The following RNF207 variants were observed in gnomAD, a reference collection of about 807,000 sequenced individuals.
RNF207 encodes ring finger protein 207.
In RNF207, 72 loss-of-function variants were observed where a neutral mutation model predicts 79.0. The observed-to-expected ratio is 0.91, with a 90% CI of 0.75 to 1.11. The LOEUF is 1.11. Ranked by LOEUF, RNF207 falls within the 50% of genes least tolerant of loss-of-function variation. The pLI is 0.00. For missense variants in RNF207, 936 were observed against 855.8 expected, an observed-to-expected ratio of 1.09 and a Z score of -1.17; for synonymous variants, 348 against 366.2, an observed-to-expected ratio of 0.95 and a Z score of 0.57.
At position 6,207,299 on chromosome 1, in the gene RNF207, C is replaced by A. The variant is rs1667947847; in HGVS notation, c.192-80C>A. 2.1e-6 allele frequency: 3 copies of A among 1,431,326 alleles called. No homozygotes were observed. In the Admixed American group the frequency reaches 7.0e-5, roughly 33 times the overall value. The allele number at this position is 1,431,326 out of a possible 1,614,324, so 88.7% of individuals were successfully genotyped here. A position where few individuals can be genotyped will look rare whatever the true frequency, so the allele number is the denominator to read the frequency against. On this transcript the variant is annotated intron_variant, in intron 2 of 17. Transcript: ENST00000377939. This position sits in a 1 kb window ranked among gnomAD's most constrained non-coding sequence, Gnocchi z 4.5. Reference sequence around the variant, plus strand: ...CCTCCCAACACAGCTATTTTTAGCTCCAGCCTGGAATGTGAGGGGTGGGGG... The same window carrying A: ...CCTCCCAACACAGCTATTTTTAGCTACAGCCTGGAATGTGAGGGGTGGGGG...
rs1229975109 is a variant in RNF207, at chr1:6,211,994, G to C, written c.1237G>C (p.Ala413Pro). ...GTCCATCAGCACCAAGGTGCTGCTGGCGGAGGGCGAGAACACGCCCTTCGC... is the reference window on the plus strand; with the variant it reads ...GTCCATCAGCACCAAGGTGCTGCTGCCGGAGGGCGAGAACACGCCCTTCGC... Reference protein sequence around the residue: ...HRSISTKVLLAEGENTPFAEH... With the variant: ...HRSISTKVLLPEGENTPFAEH... Residue 413 changes from alanine (A) to proline (P), a missense_variant, in exon 13 of 18, where the codon GCG becomes CCG. Ala to Pro is a conservative substitution (Grantham distance 27). Transcript: ENST00000377939. This position sits in a 1 kb window ranked among gnomAD's most constrained non-coding sequence, Gnocchi z 4.2. The C allele has an allele frequency of 6.3e-7, 1 of 1,589,362 alleles. No homozygotes were observed. The highest frequency in any genetic ancestry group is 1.8e-5 in the Admixed American group (1 of 56,320).
In RNF207 at chr1:6,217,347, C is replaced by T. The variant is rs956941795; in HGVS notation, c.1653-942C>T. On this transcript the variant is annotated intron_variant, in intron 16 of 17. Coordinates refer to ENST00000377939, the MANE Select transcript of RNF207 (RefSeq NM_207396.3). This position sits in a 1 kb window ranked among gnomAD's most constrained non-coding sequence, Gnocchi z 4.2. ...CCACAGCCTACGCTCACTCCTTGGG[C>T]GACCTCATTCAGTCCCTGGCTTTAA... 6.6e-6 allele frequency among the ~76,000 whole-genome samples: 1 copy of T among 152,090 alleles called. No homozygotes were observed. The highest frequency in any genetic ancestry group is 1.5e-5 in the Non-Finnish European group (1 of 68,016).
chr1:6,214,630 C>CTTTTTTTTTTTTTTTTTTTT lies in RNF207; in HGVS notation c.1652+1451_1652+1470dup, dbSNP rs144139448. ...GTTGGCCAGGCTGGAATATTTCTTTCTTTTTTTTTTTTTTTTTTTTTTTGA... is the reference window on the plus strand; with the variant it reads ...GTTGGCCAGGCTGGAATATTTCTTTCTTTTTTTTTTTTTTTTTTTTTTTTTTTTTTTTTTTTTTTTTTTGA... On this transcript the variant is annotated intron_variant, in intron 16 of 17. Transcript: ENST00000377939. Among the ~76,000 whole-genome samples, 25 of 70,660 alleles carry CTTTTTTTTTTTTTTTTTTTT rather than the reference C, an allele frequency of 3.5e-4. 3 individuals carry two copies. The highest frequency in any genetic ancestry group is 1.0e-3 in the African/African-American group (15 of 14,650). 46.4% of individuals were successfully genotyped at this position (70,660 alleles called of 152,430 possible).
Position 6,213,130 on chromosome 1 carries a change from G to C in RNF207, c.1599G>C (p.Gln533His), listed in dbSNP as rs762044938. The change falls in exon 16 of 18, where the codon CAG (glutamine) becomes CAC (histidine). Residue 533 changes from glutamine (Q) to histidine (H), a missense_variant. Gln to His is a conservative substitution (Grantham distance 24, BLOSUM62 0). Transcript: ENST00000377939. ...CCTACCTGACCACCATCACCAAGCA[G>C]ATCACGCCCTACGTCCGCTCCATTG... ...ENAYLTTITK[Q>H]ITPYVRSIAK... 2 of 1,613,540 alleles carry C rather than the reference G, an allele frequency of 1.2e-6. No homozygotes were observed. The highest frequency in any genetic ancestry group is 3.3e-5 in the Admixed American group (2 of 60,000).
chr1:6,206,920 T>A (rs1667930958), intron 2 of RNF207, among the ~76,000 whole-genome samples, 194 bp downstream of exon 2: 2 of 152,164 alleles, frequency 1.3e-5, no homozygotes, highest in Admixed American at 6.5e-5. Context: ...ATAGATCAGC[T>A]TAACTGAAGC....
rs749245375 is a variant in RNF207, at chr1:6,207,578, A to G, written c.324+67A>G. On this transcript the variant is annotated intron_variant, in intron 3 of 17. Coordinates refer to ENST00000377939, the MANE Select transcript of RNF207 (RefSeq NM_207396.3). This position sits in a 1 kb window ranked among gnomAD's most constrained non-coding sequence, Gnocchi z 4.5. ...CGGTTGCACAGTCCCCAATGCTTGC[A>G]CATGCACTCAGCATGTCTTCAGAGG... is the stretch of plus-strand genomic sequence containing the variant. 4 of 1,507,706 alleles carry G rather than the reference A, an allele frequency of 2.7e-6. No homozygotes were observed. The East Asian group carries it at 7.2e-5, about 27-fold the overall frequency. The allele number at this position is 1,507,706 out of a possible 1,614,324, so 93.4% of individuals were successfully genotyped here.
At position 6,212,039 on chromosome 1, in the gene RNF207, G is replaced by A. The variant is rs751856572; in HGVS notation, c.1282G>A (p.Glu428Lys). The change falls in exon 13 of 18, where the codon GAG (glutamate) becomes AAG (lysine). Residue 428 changes from glutamate to lysine, a missense_variant. Coordinates refer to ENST00000377939, the MANE Select transcript of RNF207 (RefSeq NM_207396.3). ...TPFAEHCRHYEDSYRHLQAEM... is the reference protein window; with the variant it reads ...TPFAEHCRHYKDSYRHLQAEM... ...CTTCGCAGAGCACTGCCGCCACTAT[G>A]AGGACTCCTACCGGGTGAGGGGGCA... 6.2e-7 allele frequency: 1 copy of A among 1,601,688 alleles called. No individual in the cohort carries two copies. Among genetic ancestry groups the A allele is most frequent in the Non-Finnish European group, 8.5e-7 (1 of 1,174,688 alleles).
At chr1:6,214,296 G>C (rs1571210795) in intron 16 of RNF207, among the ~76,000 whole-genome samples, 1 of 152,214 alleles carries the variant, frequency 6.6e-6, no homozygotes, top group East Asian at 1.9e-4. Context: ...TTTGCTCCCA[G>C]TGTTCTGAGA....
rs1327344554 is a variant in RNF207, at chr1:6,210,815, C to T, written c.943-55C>T. On this transcript the variant is annotated intron_variant, in intron 10 of 17. Transcript: ENST00000377939. ...GTGCTCCGCCTCCATCTCCCCTCTT[C>T]CTGCCCCCTGGCTGCCACACCTCCA... is the stretch of plus-strand genomic sequence containing the variant. 3 of 1,486,006 alleles carry T rather than the reference C, an allele frequency of 2.0e-6. No homozygotes were observed. The African/African-American group carries it at 4.2e-5, about 21-fold the overall frequency. 92.1% of individuals were successfully genotyped at this position (1,486,006 alleles called of 1,614,324 possible).
intron 14 of RNF207, 99 bp downstream of exon 14, chr1:6,212,515 C>A (rs995085674): frequency 1.5e-6 from 2 of 1,309,838 alleles, no homozygotes; most frequent in South Asian, 2.7e-5. Context: ...GCCTGTACCC[C>A]ACGGGACCCT....
Position 6,219,330 on chromosome 1 carries a change from C to A in RNF207, c.1828C>A (p.Leu610Met). The A allele has an allele frequency of 1.2e-6, 2 of 1,613,464 alleles. No individual in the cohort carries two copies. Among genetic ancestry groups the A allele is most frequent in the Non-Finnish European group, 1.7e-6 (2 of 1,179,844 alleles). Residue 610 changes from leucine (L) to methionine (M), a missense_variant, in exon 18 of 18, where the codon CTG becomes ATG. Physicochemically the swap from Leu to Met is conservative, Grantham distance 15. Coordinates refer to ENST00000377939, the MANE Select transcript of RNF207 (RefSeq NM_207396.3). ...APNGLSEEPL[L>M]KNMDHHRSKQ... ...GAACGGCCTCTCAGAAGAGCCTCTA[C>A]TGAAAAATATGGATCATCACAGATC... is the stretch of plus-strand genomic sequence containing the variant.
Position 6,207,784 on chromosome 1 carries a change from A to G in RNF207, c.324+273A>G. 1 of 640,736 alleles carries G rather than the reference A, an allele frequency of 1.6e-6. No homozygotes were observed. The highest frequency in any genetic ancestry group is 2.9e-6 in the Non-Finnish European group (1 of 345,454). The allele number at this position is 640,736 out of a possible 1,614,324, so 39.7% of individuals were successfully genotyped here. ...CTCACTGGTCCCCAATTCAGGGTGG[A>G]GTTGTGGACCTGCACAGGAGGGGCA... On this transcript the variant is annotated intron_variant, in intron 3 of 17. Transcript: ENST00000377939. This position sits in a 1 kb window ranked among gnomAD's most constrained non-coding sequence, Gnocchi z 4.5.
rs1284036371 is a variant in RNF207, at chr1:6,209,205, A to AG, written c.551+13dup. 2 of 1,551,000 alleles carry AG rather than the reference A, an allele frequency of 1.3e-6. No homozygotes were observed. Among genetic ancestry groups the AG allele is most frequent in the South Asian group, 2.4e-5 (2 of 84,218 alleles). ...TTCCGCGACATGCAGAAGTGCGTAC[A>AG]GGGGACGCGAGGGGAGGGGGCTGGG... On this transcript the variant is annotated intron_variant, in intron 5 of 17. Transcript: ENST00000377939.
At position 6,209,107 on chromosome 1, in the gene RNF207, C is replaced by T. The variant is rs373129151; in HGVS notation, c.470-8C>T. Reference sequence around the variant, plus strand: ...CGGAGCCCTCACCACCGCCCGCCGCCCCCGCAGCGCTGCACGCAGAGCCCT... The same window carrying T: ...CGGAGCCCTCACCACCGCCCGCCGCTCCCGCAGCGCTGCACGCAGAGCCCT... On this transcript the variant is annotated splice_polypyrimidine_tract_variant and splice_region_variant and intron_variant, in intron 4 of 17. Transcript: ENST00000377939. 6.4e-7 allele frequency: 1 copy of T among 1,551,414 alleles called. No individual in the cohort carries two copies. Among genetic ancestry groups the T allele is most frequent in the Non-Finnish European group, 8.7e-7 (1 of 1,147,574 alleles).
At position 6,207,365 on chromosome 1, in the gene RNF207, G is replaced by C; in HGVS notation, c.192-14G>C. The C allele has an allele frequency of 2.7e-6, 4 of 1,502,870 alleles. No individual in the cohort carries two copies. Among genetic ancestry groups the C allele is most frequent in the Non-Finnish European group, 2.7e-6 (3 of 1,126,102 alleles). The allele number at this position is 1,502,870 out of a possible 1,614,324, so 93.1% of individuals were successfully genotyped here. A position where few individuals can be genotyped will look rare whatever the true frequency, so the allele number is the denominator to read the frequency against. On this transcript the variant is annotated splice_polypyrimidine_tract_variant and intron_variant, in intron 2 of 17. Transcript: ENST00000377939. This position sits in a 1 kb window ranked among gnomAD's most constrained non-coding sequence, Gnocchi z 4.5. ...AAGGGGTATCAGAATCTCGGGGCCT[G>C]GGCTTCTCTGCAGACACCAGACGGT...
chr1:6,209,846 T>C, intron 7 of RNF207, 78 bp from the exon 8 acceptor site: 2 of 1,456,658 alleles, frequency 1.4e-6, no homozygotes, highest in Non-Finnish European at 1.9e-6. Context: ...AGCAGGTGGC[T>C]GGGGTCCGGG....
At chr1:6,218,244 G>T (rs1447604634) in intron 16 of RNF207, 45 bp from the exon 17 acceptor site, 3 of 1,398,052 alleles carry the variant, frequency 2.1e-6, no homozygotes, top group Non-Finnish European at 3.0e-6. Flanking sequence ...CCGTGCAGCA[G>T]CTGGCTCTGC....
intron 10 of RNF207, 134 bp from the exon 11 acceptor site, chr1:6,210,736 C>T: frequency 1.2e-6 from 1 of 825,378 alleles, no homozygotes; most frequent in Non-Finnish European, 2.0e-6. Flanking sequence ...CGGGTGAGTC[C>T]CAGAAGAGGG....
rs1478602198 is a variant in RNF207 at position 6,219,825 on chromosome 1, A to G, written c.*418A>G. The G allele has an allele frequency of 8.3e-6, 1 of 119,846 alleles. No homozygotes were observed. Among genetic ancestry groups the G allele is most frequent in the Non-Finnish European group, 1.7e-5 (1 of 58,194 alleles). The allele number at this position is 119,846 out of a possible 1,614,324, so 7.4% of individuals were successfully genotyped here. ...GTTGTTGTTTTTAAGACAGAATTTCACTCTTTGTTGCCCAGGCTGGAGTGC... is the reference window on the plus strand; with the variant it reads ...GTTGTTGTTTTTAAGACAGAATTTCGCTCTTTGTTGCCCAGGCTGGAGTGC... On this transcript the variant is annotated 3_prime_UTR_variant, in exon 18 of 18. Transcript: ENST00000377939.
Sources: allele counts gnomAD v4.1 joint callset (sites outside exome capture counted in the v4.1 genomes callset), GRCh38; gene constraint gnomAD v4.1.1; non-coding constraint Gnocchi (gnomAD v3.1); transcripts MANE v1.5; gene names NCBI Gene and HGNC (gene_info 2026-07-23, HGNC 2026-07-21).